ARHGEF10: variants seen among roughly 807,000 people sequenced by gnomAD.
The protein encoded by ARHGEF10 is Rho guanine nucleotide exchange factor 10.
ARHGEF10 carries 140 observed loss-of-function variants against 147.4 expected under a neutral mutation model. That is an observed-to-expected ratio of 0.95 (90% CI 0.83 to 1.09). The LOEUF (loss-of-function observed/expected upper bound fraction) is 1.09, where lower values mean the gene tolerates loss of function less well. Ranked by LOEUF, ARHGEF10 falls within the 50% of genes least tolerant of loss-of-function variation. The pLI is 0.00. For missense variants in ARHGEF10, 2,222 were observed against 1,752.7 expected, an observed-to-expected ratio of 1.27 and a Z score of -4.78; for synonymous variants, 902 against 695.8, an observed-to-expected ratio of 1.30 and a Z score of -4.67.
At position 1,948,121 on chromosome 8, in the gene ARHGEF10, C is replaced by G. The variant is rs1367255659; in HGVS notation, c.3397+2466C>G. ...AGTTTCCAGGCGGCCGATGATGGAT[C>G]CATCCCAAGCCCACCACAAGCCTCT... On this transcript the variant is annotated intron_variant, in intron 27 of 28. Coordinates refer to ENST00000349830, the MANE Select transcript of ARHGEF10 (RefSeq NM_014629.4). The surrounding 1 kb of genome is among the most constrained non-coding windows in gnomAD (Gnocchi z 4.9). 1.3e-5 allele frequency among the ~76,000 whole-genome samples: 2 copies of G among 152,036 alleles called. No individual in the cohort carries two copies. Among genetic ancestry groups the G allele is most frequent in the African/African-American group, 4.8e-5 (2 of 41,396 alleles).
chr8:1,946,645 C>T (rs1814618335), intron 27 of ARHGEF10, among the ~76,000 whole-genome samples: 1 of 152,230 alleles, frequency 6.6e-6, no homozygotes, highest in Non-Finnish European at 1.5e-5. Flanking sequence ...CACCATCCCA[C>T]TGCGGGCAGG....
intron 15 of ARHGEF10, among the ~76,000 whole-genome samples, chr8:1,901,655 C>T (rs4481654): frequency 0.13 from 19,581 of 152,278 alleles, 1,373 homozygotes; most frequent in Middle Eastern, 0.16. Flanking sequence ...CGGCTGTGCT[C>T]AGTGGCCCCA....
intron 15 of ARHGEF10, among the ~76,000 whole-genome samples, chr8:1,901,222 T>TGCCTTCTG (rs1810427920): frequency 6.6e-6 from 1 of 152,138 alleles, no homozygotes; most frequent in African/African-American, 2.4e-5. Flanking sequence ...CCCTCCCTCC[T>TGCCTTCTG]GCCTTCTGCC....
intron 25 of ARHGEF10, 47 bp downstream of exon 25, chr8:1,929,490 A>G (rs1459746160): frequency 1.9e-6 from 3 of 1,561,448 alleles, no homozygotes; most frequent in Non-Finnish European, 2.6e-6. Context: ...GGGTTCACTC[A>G]GGGGACTGTG....
At chr8:1,953,803 G>A (rs1815255487) in intron 28 of ARHGEF10, among the ~76,000 whole-genome samples, 1 of 152,144 alleles carries the variant, frequency 6.6e-6, no homozygotes, top group Admixed American at 6.5e-5. Flanking sequence ...GTAAACCACA[G>A]CCTTAGATTC....
intron 4 of ARHGEF10, among the ~76,000 whole-genome samples, chr8:1,861,753 A>T (rs1256489680): frequency 6.6e-6 from 1 of 152,162 alleles, no homozygotes; most frequent in Admixed American, 6.5e-5. Flanking sequence ...GGAACTCACC[A>T]CGGTCTGCAT....
At chr8:1,923,345 T>C in intron 19 of ARHGEF10, 123 bp from the exon 20 acceptor site, 14 of 1,447,318 alleles carry the variant, frequency 9.7e-6, no homozygotes, top group South Asian at 1.2e-5. Context: ...AGCTTTCTTT[T>C]TCATAATCTA....
rs1325747957 is a variant in ARHGEF10 at position 1,905,610 on chromosome 8, G to A, written c.1861G>A (p.Asp621Asn). Residue 621 changes from aspartate to asparagine, a missense_variant, in exon 17 of 29, where the codon GAT (aspartate) becomes AAT (asparagine). By Grantham distance (23) the Asp-to-Asn change is conservative. Coordinates refer to ENST00000349830, the MANE Select transcript of ARHGEF10 (RefSeq NM_014629.4). ...AAGCCGATACCTCATTCGATCAGAT[G>A]ATATGATAGAAACAGTTTACAACGA... ...SGSRYLIRSDDMIETVYNDRG... is the reference protein window; with the variant it reads ...SGSRYLIRSDNMIETVYNDRG... The A allele has an allele frequency of 1.2e-6, 2 of 1,614,058 alleles. No homozygotes were observed. The highest frequency in any genetic ancestry group is 1.7e-6 in the Non-Finnish European group (2 of 1,180,042).
At position 1,884,090 on chromosome 8, in the gene ARHGEF10, G is replaced by A. The variant is rs1355786556; in HGVS notation, c.1075+1341G>A. Among the ~76,000 whole-genome samples, 8 of 152,254 alleles carry A rather than the reference G, an allele frequency of 5.3e-5. No individual in the cohort carries two copies. The South Asian group carries it at 1.0e-3, about 20-fold the overall frequency. On this transcript the variant is annotated intron_variant, in intron 10 of 28. Transcript: ENST00000349830. ...TTTGCGGGTCAGTTGTAGAGATGCG[G>A]CAGTTTAATAGGCAAATCCTTGGCC...
intron 2 of ARHGEF10, among the ~76,000 whole-genome samples, chr8:1,849,237 G>A (rs1300566617): frequency 6.6e-6 from 1 of 152,188 alleles, no homozygotes; most frequent in Non-Finnish European, 1.5e-5. Context: ...GTGTGGGGCG[G>A]CTGCGGGGAC....
At chr8:1,888,982 A>AGT (rs1809112521) in intron 11 of ARHGEF10, among the ~76,000 whole-genome samples, 1 of 60,676 alleles carries the variant, frequency 1.6e-5, no homozygotes, top group South Asian at 9.6e-4. Flanking sequence ...GGAGACACTG[A>AGT]GGTGTGAGGG....
intron 1 of ARHGEF10, among the ~76,000 whole-genome samples, chr8:1,839,256 T>C (rs1294453396): frequency 6.8e-6 from 1 of 147,208 alleles, no homozygotes; most frequent in Admixed American, 6.7e-5. Context: ...GACTGTCCGC[T>C]GTGGGTACTG....
chr8:1,918,380 C>T (rs1490586677), intron 18 of ARHGEF10, among the ~76,000 whole-genome samples: 10 of 151,796 alleles, frequency 6.6e-5, no homozygotes, highest in Admixed American at 5.2e-4. Flanking sequence ...AGGAACTCCT[C>T]CTCATCTCAG....
intron 1 of ARHGEF10, among the ~76,000 whole-genome samples, chr8:1,835,901 G>C (rs1232457032): frequency 6.6e-6 from 1 of 152,182 alleles, no homozygotes; most frequent in Non-Finnish European, 1.5e-5. Context: ...CACAATCCAG[G>C]CCAGGCGCCG....
chr8:1,862,314 G>T (rs887828907), intron 4 of ARHGEF10, among the ~76,000 whole-genome samples: 1 of 152,202 alleles, frequency 6.6e-6, no homozygotes, highest in Admixed American at 6.5e-5. Flanking sequence ...AGGTTGCAGA[G>T]CCCTGCCTGG....
At chr8:1,924,168 C>A (rs1563292563) in intron 21 of ARHGEF10, among the ~76,000 whole-genome samples, 2 of 152,186 alleles carry the variant, frequency 1.3e-5, no homozygotes, top group Non-Finnish European at 2.9e-5. Flanking sequence ...TGGAGCCTGG[C>A]CGTGAGCCAG....
At chr8:1,880,901 A>G (rs1007005793) in intron 9 of ARHGEF10, among the ~76,000 whole-genome samples, 3 of 152,202 alleles carry the variant, frequency 2.0e-5, no homozygotes, top group African/African-American at 7.2e-5. Context: ...TGCTTGGGCC[A>G]TCAGAAGCCA....
chr8:1,882,831 G>C, intron 10 of ARHGEF10, 82 bp downstream of exon 10: 1 of 945,254 alleles, frequency 1.1e-6, no homozygotes, highest in Non-Finnish European at 1.7e-6. Context: ...CTCGGGGTGG[G>C]GGGCGGCCGC....
chr8:1,831,259 C>T (rs1336163547), intron 1 of ARHGEF10, among the ~76,000 whole-genome samples: 3 of 127,234 alleles, frequency 2.4e-5, no homozygotes, highest in Non-Finnish European at 3.3e-5. Context: ...GGGACAGTGG[C>T]AGCCGTGGAG....
Sources: gnomAD v4.1 joint callset for allele counts (sites outside exome capture counted in the v4.1 genomes callset) on GRCh38, gnomAD v4.1.1 for gene constraint, Gnocchi (gnomAD v3.1) non-coding constraint, MANE v1.5 for transcripts, NCBI Gene and HGNC (gene_info 2026-07-23, HGNC 2026-07-21) for gene names.